The following AUTS2 variants were observed in gnomAD, a reference collection of about 807,000 sequenced individuals.
AUTS2 encodes autism susceptibility gene 2 protein.
AUTS2 carries 17 observed loss-of-function variants against 112.4 expected under a neutral mutation model. That is an observed-to-expected ratio of 0.15 (90% confidence interval 0.10 to 0.23). The LOEUF is 0.23. Among genes scored for constraint, AUTS2 ranks in the 10% least tolerant of loss-of-function variants. The pLI is 1.00. For missense variants in AUTS2, 1,510 were observed against 1,701.6 expected, an observed-to-expected ratio of 0.89 and a Z score of 1.98; for synonymous variants, 751 against 702.7, an observed-to-expected ratio of 1.07 and a Z score of -1.09.
chr7:69,661,807 A>G (rs1795810149), intron 1 of AUTS2, among the ~76,000 whole-genome samples: 1 of 152,168 alleles, frequency 6.6e-6, no homozygotes, highest in Non-Finnish European at 1.5e-5. Flanking sequence ...TGTGTGTTCC[A>G]TGTGGAAGAC....
At chr7:70,179,899 C>G (rs1809206487) in intron 4 of AUTS2, among the ~76,000 whole-genome samples, 1 of 152,106 alleles carries the variant, frequency 6.6e-6, no homozygotes, top group Non-Finnish European at 1.5e-5. Context: ...TCAACATAAG[C>G]CTTTTGTGTA....
chr7:69,884,832 C>T (rs985521138), intron 1 of AUTS2, among the ~76,000 whole-genome samples: 2 of 152,194 alleles, frequency 1.3e-5, no homozygotes, highest in Admixed American at 6.5e-5. Context: ...CTTGCCTCAA[C>T]CGTAATTGTA....
intron 1 of AUTS2, among the ~76,000 whole-genome samples, chr7:69,617,983 GTACCCAGAGCTT>G (rs1793467267): frequency 6.6e-6 from 1 of 152,132 alleles, no homozygotes; most frequent in Admixed American, 6.5e-5. Flanking sequence ...GATGTTTGTT[GTACCCAGAGCTT>G]TACATGCATT....
intron 4 of AUTS2, among the ~76,000 whole-genome samples, chr7:70,252,028 A>G (rs1184717850): frequency 6.6e-6 from 1 of 152,166 alleles, no homozygotes; most frequent in African/African-American, 2.4e-5. Context: ...ATATTTCTTA[A>G]TAGGCATATT....
intron 1 of AUTS2, among the ~76,000 whole-genome samples, chr7:69,849,698 T>C (rs1792373220): frequency 6.6e-6 from 1 of 152,058 alleles, no homozygotes; most frequent in Non-Finnish European, 1.5e-5. Flanking sequence ...ATACAGTACA[T>C]GGCTTTTTGA....
chr7:70,788,327 C>CAAAG (rs1479028113), intron 18 of AUTS2, among the ~76,000 whole-genome samples: 3 of 152,050 alleles, frequency 2.0e-5, no homozygotes, highest in African/African-American at 7.2e-5. Context: ...CTAGTAATTT[C>CAAAG]AAAGAAAGAA....
chr7:70,476,493 AGTT>A (rs1797588146), intron 5 of AUTS2, among the ~76,000 whole-genome samples: 1 of 152,240 alleles, frequency 6.6e-6, no homozygotes, highest in Non-Finnish European at 1.5e-5. Flanking sequence ...ATGAGAAAGG[AGTT>A]GTCCAAAGAC....
rs71922184 is a variant in AUTS2, at chr7:70,578,912, C to CT, written c.691-119648dup. Among the ~76,000 whole-genome samples, 64 of 145,480 alleles carry CT rather than the reference C, an allele frequency of 4.4e-4. 1 individual carries two copies. The highest frequency in any genetic ancestry group is 1.1e-3 in the African/African-American group (45 of 39,502). ...TTTTCTTTTCTTCTTTCCTTTCTTT[C>CT]TTTTTTTTTCTTTCTTTTTTTTTTT... On this transcript the variant is annotated intron_variant, in intron 5 of 18. Transcript: ENST00000342771.
chr7:69,755,740 C>A (rs1472246497), intron 1 of AUTS2, among the ~76,000 whole-genome samples: 1 of 152,056 alleles, frequency 6.6e-6, no homozygotes, highest in Non-Finnish European at 1.5e-5. Context: ...CAGAATAGGT[C>A]CTGAGAATGA....
chr7:70,609,540 G>A (rs1803962363), intron 5 of AUTS2, among the ~76,000 whole-genome samples: 2 of 151,024 alleles, frequency 1.3e-5, no homozygotes, highest in African/African-American at 4.9e-5. Context: ...GACTACAGGC[G>A]CCCACCACCA....
At chr7:69,788,554 A>T (rs188585580) in intron 1 of AUTS2, among the ~76,000 whole-genome samples, 35 of 152,316 alleles carry the variant, frequency 2.3e-4, no homozygotes, top group African/African-American at 8.2e-4. Flanking sequence ...TCACTTTTCT[A>T]AAGTCCTTAC....
rs1173788127 is a variant in AUTS2, at chr7:69,625,527, TA to T, written c.309+25569del. 2.0e-5 allele frequency among the ~76,000 whole-genome samples: 3 copies of T among 152,024 alleles called. No individual in the cohort carries two copies. In the East Asian group the frequency reaches 5.8e-4, roughly 29 times the overall value. On this transcript the variant is annotated intron_variant, in intron 1 of 18. Transcript: ENST00000342771. ...GCAGGGGCTGGGGTGGAGTGTTGGT[TA>T]AAAGAACACCTAGATAAAAAACATG...
At chr7:69,686,731 A>G (rs1164932178) in intron 1 of AUTS2, among the ~76,000 whole-genome samples, 2 of 152,120 alleles carry the variant, frequency 1.3e-5, no homozygotes, top group Admixed American at 1.3e-4. Flanking sequence ...TTTTCTATAG[A>G]ATATAGCTTT....
In AUTS2 at chr7:70,059,624, C is replaced by T. The variant is rs534354127; in HGVS notation, c.523-58508C>T. Among the ~76,000 whole-genome samples, 11 of 152,142 alleles carry T rather than the reference C, an allele frequency of 7.2e-5. No individual in the cohort carries two copies. The South Asian group carries it at 1.2e-3, about 17-fold the overall frequency. On this transcript the variant is annotated intron_variant, in intron 2 of 18. Coordinates refer to ENST00000342771, the MANE Select transcript of AUTS2 (RefSeq NM_015570.4). ...CATCTGAGTAGGGCCTTAAAGGATG[C>T]GCTGATTTGGACACATAGATTGGAG...
intron 1 of AUTS2, among the ~76,000 whole-genome samples, chr7:69,801,981 C>T (rs1187856691): frequency 1.3e-5 from 2 of 152,064 alleles, no homozygotes; most frequent in African/African-American, 4.8e-5. Context: ...GAGTAATTAC[C>T]TAAAAGGGGG....
intron 1 of AUTS2, among the ~76,000 whole-genome samples, chr7:69,700,394 G>A (rs923754413): frequency 3.9e-5 from 6 of 151,904 alleles, no homozygotes; most frequent in Admixed American, 6.5e-5. Flanking sequence ...CAAAGATTAC[G>A]GGGATTTTTT....
intron 6 of AUTS2, among the ~76,000 whole-genome samples, chr7:70,750,077 T>C (rs1438445621): frequency 6.6e-6 from 1 of 152,178 alleles, no homozygotes; most frequent in Non-Finnish European, 1.5e-5. Flanking sequence ...TCCACATGCC[T>C]GGGTGTCTGT....
At chr7:70,470,948 C>T (rs1172257317) in intron 5 of AUTS2, among the ~76,000 whole-genome samples, 6 of 152,014 alleles carry the variant, frequency 3.9e-5, no homozygotes, top group Non-Finnish European at 1.5e-5. Flanking sequence ...GAATCATTCC[C>T]GGGGAAGGAA....
intron 4 of AUTS2, among the ~76,000 whole-genome samples, chr7:70,308,256 CA>C (rs1003110269): frequency 1.3e-5 from 2 of 152,130 alleles, no homozygotes; most frequent in African/African-American, 4.8e-5. Flanking sequence ...CTGTGGGCCC[CA>C]GGAGTTATAA....
Sources: allele counts gnomAD v4.1 joint callset (sites outside exome capture counted in the v4.1 genomes callset), GRCh38; gene constraint gnomAD v4.1.1; transcripts MANE v1.5; gene names NCBI Gene and HGNC (gene_info 2026-07-23, HGNC 2026-07-21).